The following DCC variants were observed in gnomAD, a reference collection of about 807,000 sequenced individuals.
DCC encodes the protein DCC netrin 1 receptor.
DCC carries 58 observed loss-of-function variants against 172.5 expected under a neutral mutation model. The ratio of observed to expected loss-of-function variants is 0.34; its 90% CI spans 0.27 to 0.42. The LOEUF is 0.42. DCC is among the 10% of genes least tolerant of loss of function. The pLI is 1.00. For missense variants in DCC, 1,740 were observed against 1,791.0 expected (o/e 0.97, Z 0.51); for synonymous variants, 709 against 644.5 (o/e 1.10, Z -1.52).
At chr18:53,448,310 T>C (rs1478923094) in intron 22 of DCC, among the ~76,000 whole-genome samples, 1 of 152,116 alleles carries the variant, frequency 6.6e-6, no homozygotes, top group African/African-American at 2.4e-5. Context: ...AAACATACAG[T>C]CATGGTGGAA....
intron 12 of DCC, among the ~76,000 whole-genome samples, chr18:53,237,462 A>G (rs2056223499): frequency 6.6e-6 from 1 of 152,172 alleles, no homozygotes. Context: ...CAAAATATTT[A>G]ACTCGAATTC....
At chr18:52,388,715 T>G (rs978727588) in intron 1 of DCC, among the ~76,000 whole-genome samples, 2 of 152,126 alleles carry the variant, frequency 1.3e-5, no homozygotes, top group Non-Finnish European at 2.9e-5. Flanking sequence ...TCCAGGGCCT[T>G]CTCTTCTGCT....
intron 1 of DCC, among the ~76,000 whole-genome samples, chr18:52,688,829 C>G (rs943295061): frequency 6.6e-6 from 1 of 151,982 alleles, no homozygotes; most frequent in African/African-American, 2.4e-5. Context: ...AACAGTAGCT[C>G]TTTTTTGTAG....
chr18:53,492,964 T>G (rs961513329), intron 26 of DCC, among the ~76,000 whole-genome samples: 1 of 152,316 alleles, frequency 6.6e-6, no homozygotes, highest in African/African-American at 2.4e-5. Flanking sequence ...CATGGAATAT[T>G]TTTCCATTTG....
chr18:53,176,225 C>G (rs1164399526), intron 8 of DCC, among the ~76,000 whole-genome samples: 1 of 130,114 alleles, frequency 7.7e-6, no homozygotes, highest in Non-Finnish European at 1.6e-5. Context: ...CATAAAAACC[C>G]TAGAAGAAAA....
At chr18:52,969,647 C>T in intron 5 of DCC, among the ~76,000 whole-genome samples, 1 of 150,362 alleles carries the variant, frequency 6.7e-6, no homozygotes, top group African/African-American at 2.5e-5. Context: ...GTGTCTCTCT[C>T]TCTCTTTCTC....
chr18:53,211,393 A>G (rs984459358), intron 11 of DCC, among the ~76,000 whole-genome samples: 9 of 152,202 alleles, frequency 5.9e-5, no homozygotes, highest in Admixed American at 3.9e-4. Flanking sequence ...CTTTTATTCT[A>G]TGATAAGTGC....
intron 2 of DCC, among the ~76,000 whole-genome samples, chr18:52,819,607 T>A (rs1475270578): frequency 3.9e-5 from 6 of 152,242 alleles, no homozygotes; most frequent in African/African-American, 1.2e-4. Context: ...AAGACCTGTT[T>A]ATTAATCTCT....
intron 1 of DCC, among the ~76,000 whole-genome samples, chr18:52,634,696 A>G (rs1451249391): frequency 1.3e-5 from 2 of 152,210 alleles, no homozygotes; most frequent in African/African-American, 4.8e-5. Context: ...ACTTAGTGGT[A>G]GAGACCCATA....
chr18:52,964,525 G>T (rs187713630), intron 5 of DCC, among the ~76,000 whole-genome samples: 21 of 152,086 alleles, frequency 1.4e-4, no homozygotes, highest in Admixed American at 1.4e-3. Flanking sequence ...TGCCATGTAC[G>T]TCAATCGATC....
intron 7 of DCC, among the ~76,000 whole-genome samples, chr18:53,108,149 A>T (rs918255380): frequency 6.9e-6 from 1 of 145,170 alleles, no homozygotes; most frequent in African/African-American, 2.6e-5. Context: ...TAAGACTTAT[A>T]TGGAAGAATG....
intron 2 of DCC, chr18:52,818,264 TA>T (rs1444276352): frequency 6.6e-6 from 1 of 151,802 alleles, no homozygotes; most frequent in East Asian, 1.9e-4. Flanking sequence ...ATTTAAAAAT[TA>T]GCTGAGTGTA....
chr18:52,435,997 T>C (rs867963918), intron 1 of DCC, among the ~76,000 whole-genome samples: 13 of 152,212 alleles, frequency 8.5e-5, no homozygotes, highest in Non-Finnish European at 1.8e-4. Flanking sequence ...TCTCTATTCT[T>C]CCTCTACCCA....
At chr18:53,454,987 C>T (rs1445289253) in intron 23 of DCC, among the ~76,000 whole-genome samples, 1 of 152,056 alleles carries the variant, frequency 6.6e-6, no homozygotes, top group African/African-American at 2.4e-5. Context: ...TATTTTTATT[C>T]CACTAACTGC....
In DCC at chr18:52,783,323, C is replaced by CTTTTTTTTTTTTTT. The variant is rs374129823; in HGVS notation, c.412+30974_412+30987dup. Among the ~76,000 whole-genome samples the CTTTTTTTTTTTTTT allele has an allele frequency of 4.4e-3, 258 of 59,238 alleles. 42 individuals are homozygous for CTTTTTTTTTTTTTT. Among genetic ancestry groups the CTTTTTTTTTTTTTT allele is most frequent in the Non-Finnish European group, 5.2e-3 (183 of 35,224 alleles). The allele number at this position is 59,238 out of a possible 152,430, so 38.9% of individuals were successfully genotyped here. ...ACTAAAAATAATTTATACTACTACT[C>CTTTTTTTTTTTTTT]TTTTTTTTTTTTTTTTTTTTTTTTT... On this transcript the variant is annotated intron_variant, in intron 2 of 28. Transcript: ENST00000442544.
intron 2 of DCC, among the ~76,000 whole-genome samples, chr18:52,811,296 T>G (rs1367856632): frequency 6.6e-6 from 1 of 152,188 alleles, no homozygotes; most frequent in African/African-American, 2.4e-5. Flanking sequence ...GGTGGTATTA[T>G]GTAATGAAAA....
At chr18:52,347,637 G>A (rs1309413041) in intron 1 of DCC, among the ~76,000 whole-genome samples, 1 of 152,214 alleles carries the variant, frequency 6.6e-6, no homozygotes, top group Non-Finnish European at 1.5e-5. Flanking sequence ...AGGGGACTAA[G>A]TTTTGTTGGG....
intron 9 of DCC, among the ~76,000 whole-genome samples, chr18:53,187,230 C>A (rs910743558): frequency 2.0e-5 from 3 of 150,968 alleles, no homozygotes; most frequent in Admixed American, 1.3e-4. Context: ...TCGTGTGATT[C>A]TCCTGCCTCA....
intron 5 of DCC, among the ~76,000 whole-genome samples, chr18:52,953,241 A>T (rs2040687918): frequency 6.6e-6 from 1 of 152,156 alleles, no homozygotes; most frequent in African/African-American, 2.4e-5. Context: ...GTGAACTTTC[A>T]TTCTCAGTGC....
Sources: gnomAD v4.1 joint callset for allele counts (sites outside exome capture counted in the v4.1 genomes callset) on GRCh38, gnomAD v4.1.1 for gene constraint, MANE v1.5 for transcripts, NCBI Gene and HGNC (gene_info 2026-07-23, HGNC 2026-07-21) for gene names.